The following NNT variants were observed in gnomAD, a reference collection of about 807,000 sequenced individuals.
NNT encodes nicotinamide nucleotide transhydrogenase.
Under a neutral mutation model 104.8 loss-of-function variants are expected in NNT, and 50 were observed. The ratio of observed to expected loss-of-function variants is 0.48; its 90% CI spans 0.38 to 0.60. The LOEUF (loss-of-function observed/expected upper bound fraction) is 0.60, where lower values mean the gene tolerates loss of function less well. NNT is among the 20% of genes least tolerant of loss of function. The pLI, the probability that NNT is intolerant of heterozygous loss-of-function variation, is 0.00. For missense variants in NNT, 1,131 were observed against 1,330.7 expected (o/e 0.85, Z 2.33); for synonymous variants, 461 against 490.4 (o/e 0.94, Z 0.79).
chr5:43,685,664 C>T (rs1007358334), intron 19 of NNT, among the ~76,000 whole-genome samples: 10 of 152,082 alleles, frequency 6.6e-5, no homozygotes, highest in African/African-American at 2.4e-4. Flanking sequence ...TATTGCTGAA[C>T]TAGGTCTGGA....
chr5:43,671,694 T>C (rs1016799534), intron 17 of NNT, among the ~76,000 whole-genome samples: 1 of 152,226 alleles, frequency 6.6e-6, no homozygotes, highest in Non-Finnish European at 1.5e-5. Context: ...TAACCCGACC[T>C]TTCTTTCTGG....
intron 5 of NNT, among the ~76,000 whole-genome samples, chr5:43,623,715 T>C (rs1750214624): frequency 6.6e-6 from 1 of 152,232 alleles, no homozygotes; most frequent in South Asian, 2.1e-4. Context: ...AAGAATCTGT[T>C]AATCTTCAAC....
rs55984047 is a variant in NNT, at chr5:43,704,440, C to G, written c.*36C>G. On this transcript the variant is annotated 3_prime_UTR_variant, in exon 22 of 22. Coordinates refer to ENST00000344920, the MANE Select transcript of NNT (RefSeq NM_182977.3). The stretch of plus-strand genomic sequence containing the variant: ...TCAAGCTGTTAGCTAATAATGCCAC[C>G]TCTGCAGTTTTGGGAACAGGCAAAT... 0.091 allele frequency: 146,817 copies of G among 1,607,972 alleles called. 7,398 individuals carry two copies. The highest frequency in any genetic ancestry group is 0.1 in the Non-Finnish European group (120,719 of 1,176,062).
intron 7 of NNT, among the ~76,000 whole-genome samples, chr5:43,641,562 G>A (rs899701430): frequency 1.3e-5 from 2 of 151,870 alleles, no homozygotes; most frequent in African/African-American, 4.8e-5. Context: ...TATATGTATT[G>A]TATTATGTAA....
intron 15 of NNT, among the ~76,000 whole-genome samples, 168 bp from the exon 16 acceptor site, chr5:43,656,485 A>T (rs933951319): frequency 1.3e-5 from 2 of 152,190 alleles, no homozygotes; most frequent in African/African-American, 4.8e-5. Context: ...GAAATTAGTG[A>T]ACAGAAATTT....
intron 1 of NNT, among the ~76,000 whole-genome samples, chr5:43,606,636 T>C (rs1749238236): frequency 6.6e-6 from 1 of 152,208 alleles, no homozygotes; most frequent in African/African-American, 2.4e-5. Context: ...TTAGCTATTT[T>C]TCATTTGATT....
intron 19 of NNT, among the ~76,000 whole-genome samples, chr5:43,679,310 C>T (rs1288239060): frequency 6.6e-6 from 1 of 152,144 alleles, no homozygotes; most frequent in Non-Finnish European, 1.5e-5. Context: ...CCCTCTTTCA[C>T]CACATAAATA....
At chr5:43,665,756 AC>A (rs1740616267) in intron 17 of NNT, among the ~76,000 whole-genome samples, 1 of 137,794 alleles carries the variant, frequency 7.3e-6, no homozygotes, top group Admixed American at 7.2e-5. Flanking sequence ...CACCTCCCAG[AC>A]GGGGTGGTGG....
chr5:43,637,852 A>G (rs1331943177), intron 7 of NNT, among the ~76,000 whole-genome samples: 1 of 152,158 alleles, frequency 6.6e-6, no homozygotes, highest in Non-Finnish European at 1.5e-5. Flanking sequence ...ACCTCGGCTT[A>G]CACCTGGATT....
At chr5:43,650,818 A>G (rs757004680) in intron 12 of NNT, among the ~76,000 whole-genome samples, 4 of 152,246 alleles carry the variant, frequency 2.6e-5, no homozygotes, top group Non-Finnish European at 2.9e-5. Flanking sequence ...ATGTCTTGCT[A>G]CAAGTTAACT....
chr5:43,648,987 C>T (rs545799145), intron 10 of NNT, among the ~76,000 whole-genome samples, 160 bp from the exon 11 acceptor site: 2 of 152,128 alleles, frequency 1.3e-5, no homozygotes. Context: ...CCTCCATCCC[C>T]CCACTTCTCA....
At chr5:43,653,786 C>T (rs1046782921) in intron 14 of NNT, among the ~76,000 whole-genome samples, 4 of 151,620 alleles carry the variant, frequency 2.6e-5, no homozygotes, top group Admixed American at 2.0e-4. Context: ...GAAACCCCGT[C>T]GCTATTAAAT....
chr5:43,626,366 C>A (rs1369016172), intron 6 of NNT, among the ~76,000 whole-genome samples: 1 of 151,972 alleles, frequency 6.6e-6, no homozygotes, highest in African/African-American at 2.4e-5. Flanking sequence ...GCTTGATCAT[C>A]CGTGGATTTT....
intron 19 of NNT, among the ~76,000 whole-genome samples, chr5:43,686,203 C>A (rs1741979284): frequency 6.7e-6 from 1 of 149,874 alleles, no homozygotes; most frequent in African/African-American, 2.4e-5. Context: ...CTATTGTTTT[C>A]ATATTTGAGA....
At chr5:43,679,493 G>A (rs1382170129) in intron 19 of NNT, among the ~76,000 whole-genome samples, 1 of 152,210 alleles carries the variant, frequency 6.6e-6, no homozygotes, top group Non-Finnish European at 1.5e-5. Flanking sequence ...TGGATGTGGA[G>A]TGAAGAACAT....
intron 16 of NNT, among the ~76,000 whole-genome samples, chr5:43,658,340 T>C (rs547865487): frequency 6.6e-6 from 1 of 152,178 alleles, no homozygotes; most frequent in African/African-American, 2.4e-5. Flanking sequence ...CAAAAAAAGG[T>C]AAAAACATGT....
intron 14 of NNT, among the ~76,000 whole-genome samples, chr5:43,655,341 A>G (rs552889486): frequency 1.3e-5 from 2 of 152,196 alleles, no homozygotes; most frequent in African/African-American, 4.8e-5. Context: ...TTGAAAGGGT[A>G]TACAAGTTGA....
At chr5:43,667,348 C>A in intron 17 of NNT, 1 of 529,392 alleles carries the variant, frequency 1.9e-6, no homozygotes, top group Non-Finnish European at 3.4e-6. Context: ...TGTATACATG[C>A]GCCATGTTGG....
At chr5:43,616,361 A>C (rs1749788135) in intron 4 of NNT, among the ~76,000 whole-genome samples, 1 of 152,216 alleles carries the variant, frequency 6.6e-6, no homozygotes, top group Non-Finnish European at 1.5e-5. Context: ...TGTATTTCAT[A>C]AATGTGTGTG....
Sources: allele counts gnomAD v4.1 joint callset (sites outside exome capture counted in the v4.1 genomes callset), GRCh38; gene constraint gnomAD v4.1.1; transcripts MANE v1.5; gene names NCBI Gene and HGNC (gene_info 2026-07-23, HGNC 2026-07-21).